ROBO1: variants seen among roughly 807,000 people sequenced by gnomAD.
ROBO1 encodes the protein roundabout guidance receptor 1, also known as roundabout homolog 1.
ROBO1 carries 149 observed loss-of-function variants against 195.9 expected under a neutral mutation model. The observed-to-expected ratio is 0.76, with a 90% CI of 0.67 to 0.87. The LOEUF (loss-of-function observed/expected upper bound fraction) is 0.87, where lower values mean the gene tolerates loss of function less well. ROBO1 is among the 40% of genes least tolerant of loss of function. ROBO1 has a pLI of 0.00. For missense variants in ROBO1, 1,933 were observed against 2,068.3 expected, an observed-to-expected ratio of 0.93 and a Z score of 1.27; for synonymous variants, 816 against 733.2, an observed-to-expected ratio of 1.11 and a Z score of -1.82.
At chr3:78,883,647 A>G (rs559582236) in intron 4 of ROBO1, among the ~76,000 whole-genome samples, 4 of 152,344 alleles carry the variant, frequency 2.6e-5, no homozygotes, top group South Asian at 2.1e-4. Context: ...GGCATGAGCT[A>G]CAGTGCCCTG....
intron 2 of ROBO1, among the ~76,000 whole-genome samples, chr3:79,577,122 C>T (rs535189507): frequency 9.4e-4 from 129 of 137,404 alleles, no homozygotes; most frequent in African/African-American, 3.3e-3. Context: ...TTACACAATA[C>T]ATAGTTTACA....
intron 3 of ROBO1, among the ~76,000 whole-genome samples, chr3:78,965,697 ATGTC>A (rs1484435295): frequency 6.6e-6 from 1 of 152,198 alleles, no homozygotes. Context: ...TATAAAGAAA[ATGTC>A]TGCTTCTACA....
intron 2 of ROBO1, among the ~76,000 whole-genome samples, chr3:79,418,903 G>A (rs1345285094): frequency 6.6e-6 from 1 of 152,138 alleles, no homozygotes; most frequent in Non-Finnish European, 1.5e-5. Context: ...AGAGGTGTGT[G>A]AGAAGTTCTG....
At chr3:79,164,253 A>T (rs975040882) in intron 2 of ROBO1, among the ~76,000 whole-genome samples, 1 of 152,192 alleles carries the variant, frequency 6.6e-6, no homozygotes. Context: ...ATAGTCTCTA[A>T]TATCTGCAGA....
chr3:79,573,001 T>C (rs1377614644), intron 2 of ROBO1, among the ~76,000 whole-genome samples: 4 of 152,164 alleles, frequency 2.6e-5, no homozygotes, highest in African/African-American at 9.7e-5. Context: ...AGTCAGACAA[T>C]GCAAAGTGGC....
chr3:79,734,420 T>C (rs1173236878), intron 1 of ROBO1, among the ~76,000 whole-genome samples: 3 of 152,234 alleles, frequency 2.0e-5, no homozygotes, highest in Non-Finnish European at 4.4e-5. Flanking sequence ...GTACTTTATT[T>C]GTGTTGTATT....
At chr3:78,772,392 A>G (rs2083397570) in intron 4 of ROBO1, among the ~76,000 whole-genome samples, 1 of 152,094 alleles carries the variant, frequency 6.6e-6, no homozygotes, top group South Asian at 2.1e-4. Context: ...ACTTTGGAAA[A>G]CGTCATCATA....
chr3:79,756,015 C>A (rs1452901560), intron 1 of ROBO1, among the ~76,000 whole-genome samples: 3 of 152,184 alleles, frequency 2.0e-5, no homozygotes, highest in Admixed American at 2.0e-4. Flanking sequence ...TTCCATCATA[C>A]CTCACCAGCT....
At chr3:78,600,899 A>G (rs1262110445) in intron 29 of ROBO1, among the ~76,000 whole-genome samples, 7 of 152,232 alleles carry the variant, frequency 4.6e-5, no homozygotes, top group African/African-American at 1.7e-4. Context: ...CACAGACACC[A>G]AAATATCAAC....
At chr3:78,787,367 TA>T (rs2083868265) in intron 4 of ROBO1, among the ~76,000 whole-genome samples, 1 of 152,236 alleles carries the variant, frequency 6.6e-6, no homozygotes, top group Non-Finnish European at 1.5e-5. Context: ...GTATTTTACA[TA>T]GTGAAATTCA....
chr3:79,321,554 C>A (rs1367844726), intron 2 of ROBO1, among the ~76,000 whole-genome samples: 1 of 152,118 alleles, frequency 6.6e-6, no homozygotes, highest in Non-Finnish European at 1.5e-5. Context: ...TTCAAAGTTG[C>A]AGACTGCAAT....
intron 2 of ROBO1, among the ~76,000 whole-genome samples, chr3:79,409,824 T>C (rs1280219492): frequency 3.3e-5 from 5 of 152,170 alleles, no homozygotes; most frequent in Admixed American, 2.6e-4. Flanking sequence ...TCAATTCATT[T>C]AAAAACATAA....
At chr3:79,742,325 C>T (rs1703681955) in intron 1 of ROBO1, among the ~76,000 whole-genome samples, 1 of 152,216 alleles carries the variant, frequency 6.6e-6, no homozygotes. Flanking sequence ...CAGGGCCCTC[C>T]TGTTCTTTGC....
intron 2 of ROBO1, among the ~76,000 whole-genome samples, chr3:79,285,219 A>G (rs749480295): frequency 6.6e-6 from 1 of 152,228 alleles, no homozygotes; most frequent in Non-Finnish European, 1.5e-5. Context: ...CTATAAAAAA[A>G]GCAGCAAGGA....
chr3:78,714,321 A>C, intron 8 of ROBO1, 76 bp downstream of exon 8: 2 of 1,447,622 alleles, frequency 1.4e-6, no homozygotes, highest in Non-Finnish European at 1.9e-6. Flanking sequence ...AGCCCTATAC[A>C]TAATATTTTC....
At chr3:79,254,871 TTATAAATGTTTGTTGCATC>T (rs1049740715) in intron 2 of ROBO1, among the ~76,000 whole-genome samples, 1 of 152,166 alleles carries the variant, frequency 6.6e-6, no homozygotes, top group Non-Finnish European at 1.5e-5. Flanking sequence ...TCTGGTAACT[TTATAAATGTTTGTTGCATC>T]AGTGAATGAG....
At chr3:79,483,201 T>A (rs993690651) in intron 2 of ROBO1, among the ~76,000 whole-genome samples, 5 of 152,056 alleles carry the variant, frequency 3.3e-5, no homozygotes, top group African/African-American at 1.2e-4. Context: ...AAAGACCCCA[T>A]CCAGAGACAT....
chr3:79,144,951 G>A (rs778784993), intron 2 of ROBO1, among the ~76,000 whole-genome samples: 1 of 151,974 alleles, frequency 6.6e-6, no homozygotes, highest in Non-Finnish European at 1.5e-5. Context: ...ACTAAATGAT[G>A]TATGTTCTAC....
Position 79,309,578 on chromosome 3 carries a change from C to A in ROBO1, c.89-184039G>T, listed in dbSNP as rs1343619758. 2.0e-5 allele frequency among the ~76,000 whole-genome samples: 3 copies of A among 151,950 alleles called. No individual in the cohort carries two copies. In the East Asian group the frequency reaches 5.8e-4, roughly 29 times the overall value. ...CCATGATAGCACCACTGCACTCCAA[C>A]CTGGGTTATAGAGTGAGACCTGGTC... is the stretch of plus-strand genomic sequence containing the variant. On this transcript the variant is annotated intron_variant, in intron 2 of 30. Transcript: ENST00000464233.
Sources: gnomAD v4.1 joint callset for allele counts (sites outside exome capture counted in the v4.1 genomes callset) on GRCh38, gnomAD v4.1.1 for gene constraint, MANE v1.5 for transcripts, NCBI Gene and HGNC (gene_info 2026-07-23, HGNC 2026-07-21) for gene names.